Variants in TMEM132E observed in about 807,000 individuals in gnomAD.
TMEM132E encodes the protein transmembrane protein 132E.
In TMEM132E, 49 loss-of-function variants were observed where a neutral mutation model predicts 78.5. That is an observed-to-expected ratio of 0.62 (90% CI 0.50 to 0.79). The LOEUF (loss-of-function observed/expected upper bound fraction) is 0.79, where lower values mean the gene tolerates loss of function less well. Among genes scored for constraint, TMEM132E ranks in the 30% least tolerant of loss-of-function variants. TMEM132E has a pLI of 0.00. For synonymous variants in TMEM132E, 715 were observed against 670.6 expected (o/e 1.07, Z -1.02); for missense variants, 1,403 against 1,470.9 (o/e 0.95, Z 0.75).
chr17:34,627,132 T>TGGGG, intron 2 of TMEM132E, 75 bp downstream of exon 2: 2 of 609,238 alleles, frequency 3.3e-6, no homozygotes, highest in South Asian at 1.5e-5. Flanking sequence ...GTGGGTGGGT[T>TGGGG]GGGGGGTGGG....
Position 34,626,323 on chromosome 17 carries a change from G to A in TMEM132E, c.264G>A (p.Pro88=). The part of the protein sequence containing the change: ...PFVVFQTKEL[P]VLNVSLGPFS... ...TGGTGTTCCAGACCAAGGAGCTGCC[G>A]GTCCTCAACGTCTCTCTGGGGCCCT... is the stretch of plus-strand genomic sequence containing the variant. Residue 88 remains proline, a synonymous_variant, in exon 2 of 9, where the codon CCG becomes CCA. Coordinates refer to ENST00000631683, the MANE Select transcript of TMEM132E (RefSeq NM_001304438.2). 6.2e-7 allele frequency: 1 copy of A among 1,612,560 alleles called. No homozygotes were observed. Among genetic ancestry groups the A allele is most frequent in the Non-Finnish European group, 8.5e-7 (1 of 1,179,448 alleles).
At position 34,634,970 on chromosome 17, in the gene TMEM132E, G is replaced by C. The variant is rs1205259492; in HGVS notation, c.1860G>C (p.Trp620Cys). 6.2e-7 allele frequency: 1 copy of C among 1,614,142 alleles called. No homozygotes were observed. Among genetic ancestry groups the C allele is most frequent in the Admixed American group, 1.7e-5 (1 of 60,028 alleles). The change falls in exon 7 of 9, where the codon TGG becomes TGC. Residue 620 changes from tryptophan (W) to cysteine (C), a missense_variant. Transcript: ENST00000631683. ...TGGTCACCATGTTAGGCCCGGACTG[G>C]CTGGTGGAGGTCACCGACCTAGTCA... Reference protein sequence around the residue: ...DQVVTMLGPDWLVEVTDLVSD... With the variant: ...DQVVTMLGPDCLVEVTDLVSD...
At chr17:34,588,178 C>T (rs1288883154) in intron 1 of TMEM132E, among the ~76,000 whole-genome samples, 1 of 152,206 alleles carries the variant, frequency 6.6e-6, no homozygotes, top group Admixed American at 6.5e-5. Flanking sequence ...GACCAGAACA[C>T]TCACACTCTT....
Position 34,626,168 on chromosome 17 carries a change from C to T in TMEM132E, c.109C>T (p.Pro37Ser). The change falls in exon 2 of 9, where the codon CCG becomes TCG. Residue 37 changes from proline to serine, a missense_variant. Physicochemically the swap from Pro to Ser is moderately conservative, Grantham distance 74 (BLOSUM62 -1). Transcript: ENST00000631683. ...SHPASPSPPG[P>S]QASPVLPVSY... Reference sequence around the variant, plus strand: ...CCCGGCCAGCCCCAGCCCGCCGGGGCCGCAGGCCAGCCCGGTGCTGCCAGT... The same window carrying T: ...CCCGGCCAGCCCCAGCCCGCCGGGGTCGCAGGCCAGCCCGGTGCTGCCAGT... The T allele has an allele frequency of 1.3e-6, 2 of 1,556,408 alleles. No individual in the cohort carries two copies. The highest frequency in any genetic ancestry group is 1.9e-5 in the Admixed American group (1 of 52,700).
chr17:34,602,184 C>T (rs1232925349), intron 1 of TMEM132E, among the ~76,000 whole-genome samples: 1 of 152,256 alleles, frequency 6.6e-6, no homozygotes, highest in Non-Finnish European at 1.5e-5. Context: ...AGACAGCTGC[C>T]TCCGCATGGC....
intron 7 of TMEM132E, among the ~76,000 whole-genome samples, 187 bp downstream of exon 7, chr17:34,635,274 G>A (rs1907483483): frequency 6.6e-6 from 1 of 152,162 alleles, no homozygotes; most frequent in Admixed American, 6.5e-5. Flanking sequence ...ACTCCAAGTT[G>A]TATCAACCTT....
At chr17:34,595,000 G>C (rs1167863242) in intron 1 of TMEM132E, among the ~76,000 whole-genome samples, 1 of 152,230 alleles carries the variant, frequency 6.6e-6, no homozygotes. Flanking sequence ...TTTCAGTGCA[G>C]TGTCATCGAT....
rs367795527 is a variant in TMEM132E at position 34,638,443 on chromosome 17, G to A, written c.*211G>A. ...TTACCCTCTTCTGCCCCCTGCAGGT[G>A]GAGGGCTCTTCCTCCAGTGGCTCGT... On this transcript the variant is annotated 3_prime_UTR_variant, in exon 9 of 9. Transcript: ENST00000631683. 1.3e-4 allele frequency: 67 copies of A among 510,478 alleles called. No individual in the cohort carries two copies. The highest frequency in any genetic ancestry group is 1.2e-4 in the African/African-American group (6 of 50,500). 31.6% of individuals were successfully genotyped at this position (510,478 alleles called of 1,614,324 possible). A position where few individuals can be genotyped will look rare whatever the true frequency, so the allele number is the denominator to read the frequency against.
In TMEM132E at chr17:34,580,958, C is replaced by A; in HGVS notation, c.-119C>A. 1.4e-6 allele frequency: 1 copy of A among 703,140 alleles called. No homozygotes were observed. 43.6% of individuals were successfully genotyped at this position (703,140 alleles called of 1,614,324 possible). On this transcript the variant is annotated 5_prime_UTR_variant, in exon 1 of 9. In the 5' UTR this introduces an upstream ATG that the reference lacks. Transcript: ENST00000631683. ...CGAATTGCACTCTCTGGTCCCGGAGCTGCATCTGAGACAGCCGGGCGCCAC... is the reference window on the plus strand; with the variant it reads ...CGAATTGCACTCTCTGGTCCCGGAGATGCATCTGAGACAGCCGGGCGCCAC...
Position 34,637,944 on chromosome 17 carries a change from C to A in TMEM132E, c.2937C>A (p.Val979=), listed in dbSNP as rs779200092. 6.2e-7 allele frequency: 1 copy of A among 1,606,518 alleles called. No individual in the cohort carries two copies. Among genetic ancestry groups the A allele is most frequent in the Non-Finnish European group, 8.5e-7 (1 of 1,178,002 alleles). Reference sequence around the variant, plus strand: ...GCAGCGGCAGCTCGCAGACCAGCGTCCAGAGCCAGGTGCACGGCAGGGGCG... The same window carrying A: ...GCAGCGGCAGCTCGCAGACCAGCGTACAGAGCCAGGTGCACGGCAGGGGCG... ...HHSSGSSQTS[V]QSQVHGRGDG... Residue 979 remains valine, a synonymous_variant, in exon 9 of 9, where the codon GTC becomes GTA. Transcript: ENST00000631683.
chr17:34,607,682 G>T (rs140786008), intron 1 of TMEM132E, among the ~76,000 whole-genome samples: 1 of 152,114 alleles, frequency 6.6e-6, no homozygotes, highest in African/African-American at 2.4e-5. Context: ...ACTCGGCTAC[G>T]ACGGGGATTC....
intron 1 of TMEM132E, among the ~76,000 whole-genome samples, chr17:34,623,983 T>C (rs1327737503): frequency 2.0e-5 from 3 of 152,212 alleles, no homozygotes; most frequent in Non-Finnish European, 2.9e-5. Flanking sequence ...TTGCCGGTGA[T>C]TTCCCCAGTT....
chr17:34,615,561 C>T (rs1183758782), intron 1 of TMEM132E, among the ~76,000 whole-genome samples: 1 of 113,042 alleles, frequency 8.8e-6, no homozygotes, highest in Non-Finnish European at 1.9e-5. Flanking sequence ...GTTAGCACAA[C>T]CACCTCCCAG....
intron 6 of TMEM132E, among the ~76,000 whole-genome samples, chr17:34,634,408 C>A (rs1057328843): frequency 3.3e-5 from 5 of 152,320 alleles, no homozygotes; most frequent in Admixed American, 3.3e-4. Flanking sequence ...AACTGCAGGA[C>A]ACAATTCAGC....
Position 34,606,648 on chromosome 17 carries a change from C to T in TMEM132E, c.68-19479C>T, listed in dbSNP as rs73284046. Among the ~76,000 whole-genome samples, 906 of 152,318 alleles carry T rather than the reference C, an allele frequency of 5.9e-3. 10 individuals are homozygous for T. Among genetic ancestry groups the T allele is most frequent in the African/African-American group, 0.021 (858 of 41,564 alleles). ...AGGGCTGTTTAGGGAGCTATGAGCC[C>T]AGTCTCATTCTCAGACCATGGTTCT... On this transcript the variant is annotated intron_variant, in intron 1 of 8. Coordinates refer to ENST00000631683, the MANE Select transcript of TMEM132E (RefSeq NM_001304438.2).
At chr17:34,613,154 T>A (rs1387426711) in intron 1 of TMEM132E, among the ~76,000 whole-genome samples, 3 of 36,444 alleles carry the variant, frequency 8.2e-5, no homozygotes, top group African/African-American at 1.8e-4. Flanking sequence ...GCACTCACAC[T>A]CTCTCTCTCT....
chr17:34,636,012 G>A lies in TMEM132E; in HGVS notation c.1983G>A (p.Val661=), dbSNP rs1300292698. 3.4e-6 allele frequency: 5 copies of A among 1,484,498 alleles called. No homozygotes were observed. Among genetic ancestry groups the A allele is most frequent in the Non-Finnish European group, 4.5e-6 (5 of 1,116,692 alleles). 92.0% of individuals were successfully genotyped at this position (1,484,498 alleles called of 1,614,324 possible). ...CCGGTCCCGCTCTGCCTCAGGTGGTGTCTCCGCTGACGGAGGCTGTGCTCG... is the reference window on the plus strand; with the variant it reads ...CCGGTCCCGCTCTGCCTCAGGTGGTATCTCCGCTGACGGAGGCTGTGCTCG... The part of the protein sequence containing the change: ...LEPGTTPFKV[V]SPLTEAVLGE... Residue 661 remains valine (V), a synonymous_variant, in exon 8 of 9, where the codon GTG becomes GTA. Coordinates refer to ENST00000631683, the MANE Select transcript of TMEM132E (RefSeq NM_001304438.2).
Position 34,627,018 on chromosome 17 carries a change from C to T in TMEM132E, c.959C>T (p.Ser320Phe). The change falls in exon 2 of 9, where the codon TCC becomes TTC. Residue 320 changes from serine (S) to phenylalanine (F), a missense_variant. Transcript: ENST00000631683. ...SILLYLAPNS[S>F]SPSSPSVEHF... is the part of the protein sequence containing the mutation. ...CTCCTCTATCTGGCCCCCAACTCCT[C>T]CTCGCCCTCCAGCCCCAGCGTGGAG... The T allele has an allele frequency of 1.2e-6, 2 of 1,613,830 alleles. No homozygotes were observed. Among genetic ancestry groups the T allele is most frequent in the Non-Finnish European group, 1.7e-6 (2 of 1,180,016 alleles).
At chr17:34,592,427 A>AC (rs1905904186) in intron 1 of TMEM132E, among the ~76,000 whole-genome samples, 1 of 152,198 alleles carries the variant, frequency 6.6e-6, no homozygotes, top group African/African-American at 2.4e-5. Flanking sequence ...CCAGGACAGC[A>AC]CTGCCATTGC....
Sources: gnomAD v4.1 joint callset for allele counts (sites outside exome capture counted in the v4.1 genomes callset) on GRCh38, gnomAD v4.1.1 for gene constraint, MANE v1.5 for transcripts, NCBI Gene and HGNC (gene_info 2026-07-23, HGNC 2026-07-21) for gene names.